PPP4R3B: variants seen among roughly 807,000 people sequenced by gnomAD.
PPP4R3B encodes the protein protein phosphatase 4 regulatory subunit 3B.
Under a neutral mutation model 95.4 loss-of-function variants are expected in PPP4R3B, and 52 were observed. The observed-to-expected ratio is 0.54, with a 90% CI of 0.44 to 0.69. PPP4R3B has a LOEUF of 0.69. Among genes scored for constraint, PPP4R3B ranks in the 30% least tolerant of loss-of-function variants. The probability of loss-of-function intolerance (pLI) is 0.00; values close to 1 mark genes in which losing one functional copy is unlikely to be tolerated. For synonymous variants in PPP4R3B, 407 were observed against 343.9 expected (o/e 1.18, Z -2.03); for missense variants, 1,003 against 1,005.9 (o/e 1.00, Z 0.04).
intron 16 of PPP4R3B, among the ~76,000 whole-genome samples, chr2:55,553,940 T>A (rs532340216): frequency 6.6e-6 from 1 of 151,084 alleles, no homozygotes; most frequent in African/African-American, 2.5e-5. Context: ...AGTGGACACA[T>A]GTTTTCAATT....
chr2:55,606,853 T>G (rs964574976), intron 2 of PPP4R3B, among the ~76,000 whole-genome samples: 3 of 148,136 alleles, frequency 2.0e-5, no homozygotes, highest in African/African-American at 7.4e-5. Flanking sequence ...GTAAAAAAAA[T>G]TATCTTTTTA....
At chr2:55,614,386 T>A (rs1694614365) in intron 2 of PPP4R3B, 1 of 152,188 alleles carries the variant, frequency 6.6e-6, no homozygotes, top group Non-Finnish European at 1.5e-5. Flanking sequence ...CAAGTGTATG[T>A]CATACATAAG....
chr2:55,581,690 A>G lies in PPP4R3B; in HGVS notation c.1242T>C (p.Leu414=), dbSNP rs1689458355. ...QEAQQSDDDI[L]LINVVIEQMI... is the part of the protein sequence containing the mutation. ...TTTGTTCAATTACCACATTAATAAGAAGAATATCCTGGTGGCAAAACAAAA... is the reference window on the plus strand; with the variant it reads ...TTTGTTCAATTACCACATTAATAAGGAGAATATCCTGGTGGCAAAACAAAA... The change falls in exon 8 of 17, where the codon CTT becomes CTC. Residue 414 remains leucine (L), a synonymous_variant. Transcript: ENST00000616407. The G allele has an allele frequency of 6.2e-7, 1 of 1,612,410 alleles. No individual in the cohort carries two copies. The highest frequency in any genetic ancestry group is 8.5e-7 in the Non-Finnish European group (1 of 1,179,554).
intron 2 of PPP4R3B, among the ~76,000 whole-genome samples, chr2:55,604,796 A>G (rs1572715965): frequency 2.8e-5 from 2 of 71,964 alleles, no homozygotes; most frequent in East Asian, 8.9e-4. Context: ...TAAAACATAG[A>G]CACACACACA....
In PPP4R3B at chr2:55,603,245, G is replaced by A. The variant is rs768868336; in HGVS notation, c.297+733C>T. On this transcript the variant is annotated intron_variant, in intron 3 of 16. Transcript: ENST00000616407. Reference sequence around the variant, plus strand: ...TAGGATTACAGGCGTGAGTAACCGCGTCCGGATGGACAAATACACTTATAT... The same window carrying A: ...TAGGATTACAGGCGTGAGTAACCGCATCCGGATGGACAAATACACTTATAT... 2.0e-5 allele frequency among the ~76,000 whole-genome samples: 3 copies of A among 152,106 alleles called. No homozygotes were observed. In the East Asian group the frequency reaches 5.8e-4, roughly 29 times the overall value.
intron 2 of PPP4R3B, among the ~76,000 whole-genome samples, chr2:55,609,889 T>C (rs7572739): frequency 2.4e-4 from 37 of 152,312 alleles, no homozygotes; most frequent in African/African-American, 8.4e-4. Flanking sequence ...GTGATGTCAG[T>C]GGCCTCTAGC....
At chr2:55,593,342 T>A (rs552206821) in intron 4 of PPP4R3B, among the ~76,000 whole-genome samples, 3 of 152,304 alleles carry the variant, frequency 2.0e-5, no homozygotes, top group East Asian at 3.9e-4. Flanking sequence ...CTATGCTAAG[T>A]ACTCTCATAT....
intron 7 of PPP4R3B, among the ~76,000 whole-genome samples, chr2:55,583,581 A>G (rs1431373529): frequency 6.6e-6 from 1 of 152,218 alleles, no homozygotes; most frequent in Non-Finnish European, 1.5e-5. Flanking sequence ...AATCACACAC[A>G]TCACTGAAGA....
intron 16 of PPP4R3B, among the ~76,000 whole-genome samples, chr2:55,551,067 C>A (rs373253190): frequency 2.4e-4 from 37 of 152,040 alleles, no homozygotes; most frequent in African/African-American, 8.4e-4. Context: ...AAAACAAAAA[C>A]AAAACTTTGG....
At chr2:55,561,369 T>C (rs559250447) in intron 15 of PPP4R3B, among the ~76,000 whole-genome samples, 1 of 152,288 alleles carries the variant, frequency 6.6e-6, no homozygotes, top group South Asian at 2.1e-4. Context: ...ACTAGGGCAG[T>C]GCGGAAGGGA....
chr2:55,557,473 C>T (rs908013989), intron 16 of PPP4R3B, among the ~76,000 whole-genome samples: 100 of 152,146 alleles, frequency 6.6e-4, no homozygotes, highest in Non-Finnish European at 8.8e-5. Flanking sequence ...GATACTGTGC[C>T]CAGCCCAAAC....
chr2:55,552,747 G>T (rs570875827), intron 16 of PPP4R3B, among the ~76,000 whole-genome samples: 29 of 152,262 alleles, frequency 1.9e-4, no homozygotes, highest in African/African-American at 7.0e-4. Context: ...ATTTAGGTAA[G>T]AAATTTAAAA....
chr2:55,616,823 C>T (rs1421400063), intron 1 of PPP4R3B, among the ~76,000 whole-genome samples: 2 of 152,018 alleles, frequency 1.3e-5, no homozygotes, highest in African/African-American at 2.4e-5. Flanking sequence ...AGGAAGGTGT[C>T]AGCTCCTAGG....
intron 2 of PPP4R3B, among the ~76,000 whole-genome samples, chr2:55,613,108 C>A (rs1430808179): frequency 2.0e-5 from 3 of 151,798 alleles, no homozygotes; most frequent in Non-Finnish European, 4.4e-5. Context: ...AAGACCCTCT[C>A]AAAAAAATTA....
At chr2:55,551,211 T>C (rs547175357) in intron 16 of PPP4R3B, among the ~76,000 whole-genome samples, 100 of 151,780 alleles carry the variant, frequency 6.6e-4, no homozygotes, top group African/African-American at 2.3e-3. Context: ...AAAATTAGCC[T>C]GGCGTGATGG....
intron 15 of PPP4R3B, among the ~76,000 whole-genome samples, chr2:55,561,746 A>C (rs1020743772): frequency 1.3e-5 from 2 of 152,188 alleles, no homozygotes; most frequent in Non-Finnish European, 2.9e-5. Flanking sequence ...AATTTCTTCC[A>C]TTTGGAATGG....
At chr2:55,559,309 G>A (rs1686278300) in intron 15 of PPP4R3B, among the ~76,000 whole-genome samples, 1 of 152,036 alleles carries the variant, frequency 6.6e-6, no homozygotes, top group Non-Finnish European at 1.5e-5. Flanking sequence ...TCGCACCACT[G>A]CACTCCAGCC....
Position 55,581,621 on chromosome 2 carries a change from T to C in PPP4R3B, c.1311A>G (p.Leu437=). ...CAATTAGAGTACGAAGAAGTCCCAT[T>C]AACTGAACAGCGCCTCCTAGCTCAG... The part of the protein sequence containing the change: ...TDPELGGAVQ[L]MGLLRTLIDP... The change falls in exon 8 of 17, where the codon TTA becomes TTG. Residue 437 remains leucine, a synonymous_variant. Transcript: ENST00000616407. The C allele has an allele frequency of 6.2e-7, 1 of 1,613,788 alleles. No individual in the cohort carries two copies. Among genetic ancestry groups the C allele is most frequent in the Non-Finnish European group, 8.5e-7 (1 of 1,179,844 alleles).
chr2:55,564,174 A>G (rs1203044425), intron 15 of PPP4R3B, 139 bp downstream of exon 15: 9 of 627,660 alleles, frequency 1.4e-5, no homozygotes, highest in Non-Finnish European at 2.3e-5. Flanking sequence ...AAAAGTACAT[A>G]ATTTTAAAAG....
Sources: gnomAD v4.1 joint callset for allele counts (sites outside exome capture counted in the v4.1 genomes callset) on GRCh38, gnomAD v4.1.1 for gene constraint, MANE v1.5 for transcripts, NCBI Gene and HGNC (gene_info 2026-07-23, HGNC 2026-07-21) for gene names.